TRIM2: variants seen among roughly 807,000 people sequenced by gnomAD.
The protein encoded by TRIM2 is tripartite motif containing 2.
A neutral mutation model predicts 75.2 loss-of-function variants in TRIM2; 20 were observed. The observed-to-expected ratio is 0.27, with a 90% CI of 0.19 to 0.39. The LOEUF is 0.39. TRIM2 is among the 10% of genes least tolerant of loss of function. The pLI is 1.00. For missense variants in TRIM2, 660 were observed against 990.8 expected, an observed-to-expected ratio of 0.67 and a Z score of 4.48; for synonymous variants, 373 against 388.3, an observed-to-expected ratio of 0.96 and a Z score of 0.46.
upstream of TRIM2, among the ~76,000 whole-genome samples, chr4:153,203,597 A>C (rs1171854632): frequency 6.6e-6 from 1 of 151,960 alleles, no homozygotes; most frequent in Non-Finnish European, 1.5e-5. Flanking sequence ...CAAAAAAAAA[A>C]AAAAAAATAG....
Position 153,295,788 on chromosome 4 carries a change from C to T in TRIM2, c.1262C>T (p.Thr421Ile). ...AACGGCACCTATGAGTTTTTGTACACTGTCCAGAAGGAAGGGGACTTTACC... is the reference window on the plus strand; with the variant it reads ...AACGGCACCTATGAGTTTTTGTACATTGTCCAGAAGGAAGGGGACTTTACC... ...NKNGTYEFLY[T>I]VQKEGDFTLS... The change falls in exon 6 of 12, where the codon ACT (threonine) becomes ATT (isoleucine). Residue 421 changes from threonine to isoleucine, a missense_variant. Physicochemically the swap from Thr to Ile is moderately conservative, Grantham distance 89. This residue lies in a region of TRIM2 where 620 missense variants were observed against 891.0 expected (regional missense o/e 0.70). Coordinates refer to ENST00000338700, the MANE Select transcript of TRIM2 (RefSeq NM_015271.5). This position sits in a 1 kb window ranked among gnomAD's most constrained non-coding sequence, Gnocchi z 7.2. 1 of 1,614,108 alleles carries T rather than the reference C, an allele frequency of 6.2e-7. No individual in the cohort carries two copies. The highest frequency in any genetic ancestry group is 1.1e-5 in the South Asian group (1 of 91,072).
chr4:153,234,637 G>A (rs1185524225), intron 1 of TRIM2, among the ~76,000 whole-genome samples: 1 of 152,218 alleles, frequency 6.6e-6, no homozygotes, highest in African/African-American at 2.4e-5. Context: ...TCTGTAAAAT[G>A]AGGCTCATAA....
At chr4:153,313,520 C>A (rs781558838) in intron 6 of TRIM2, among the ~76,000 whole-genome samples, 4 of 151,996 alleles carry the variant, frequency 2.6e-5, no homozygotes, top group Admixed American at 6.6e-5. Flanking sequence ...AAGTCTATTC[C>A]CAAACAGTGC....
At chr4:153,315,398 C>G (rs963010923) in intron 6 of TRIM2, 87 bp from the exon 7 acceptor site, 26 of 1,069,992 alleles carry the variant, frequency 2.4e-5, no homozygotes, top group Non-Finnish European at 3.5e-5. Context: ...TCTCAGGTAC[C>G]TGTGGAAATC....
chr4:153,241,378 C>T lies in TRIM2; in HGVS notation c.31-28957C>T, dbSNP rs552994689. On this transcript the variant is annotated intron_variant, in intron 1 of 11. Coordinates refer to ENST00000338700, the MANE Select transcript of TRIM2 (RefSeq NM_015271.5). ...ATGTGCCAAGACTGCATTTGTGCTG[C>T]ACCATCGTTGGGGGATGGTCCTGCC... Among the ~76,000 whole-genome samples, 10 of 152,334 alleles carry T rather than the reference C, an allele frequency of 6.6e-5. No individual in the cohort carries two copies. In the South Asian group the frequency reaches 2.1e-3, roughly 32 times the overall value.
At chr4:153,249,408 A>T (rs1013769389) in intron 1 of TRIM2, among the ~76,000 whole-genome samples, 3 of 152,216 alleles carry the variant, frequency 2.0e-5, no homozygotes, top group Middle Eastern at 3.2e-3. Flanking sequence ...AGATTTCCCC[A>T]GGTCGGTGGT....
At chr4:153,231,658 T>C (rs1459653735) in intron 1 of TRIM2, among the ~76,000 whole-genome samples, 2 of 152,184 alleles carry the variant, frequency 1.3e-5, no homozygotes, top group African/African-American at 4.8e-5. Flanking sequence ...TTAGGTGCTC[T>C]AAAGGGTGGC....
chr4:153,194,300 A>T (rs187650276), intron 1 of TRIM2, among the ~76,000 whole-genome samples: 2 of 152,212 alleles, frequency 1.3e-5, no homozygotes, highest in Admixed American at 1.3e-4. Context: ...GGATAAACCA[A>T]TTGTGGTATG....
chr4:153,327,962 C>T (rs969117096), intron 10 of TRIM2, among the ~76,000 whole-genome samples: 3 of 152,336 alleles, frequency 2.0e-5, no homozygotes, highest in South Asian at 4.2e-4. Context: ...TCTTATTTCT[C>T]ACCTGCTGCT....
At chr4:153,245,229 TTTAC>T (rs781451712) in intron 1 of TRIM2, among the ~76,000 whole-genome samples, 23 of 152,272 alleles carry the variant, frequency 1.5e-4, no homozygotes, top group Non-Finnish European at 3.4e-4. Flanking sequence ...GTAAGTTCTG[TTTAC>T]TTACTTATCT....
At chr4:153,328,213 G>A (rs1770669674) in intron 10 of TRIM2, among the ~76,000 whole-genome samples, 1 of 152,098 alleles carries the variant, frequency 6.6e-6, no homozygotes, top group African/African-American at 2.4e-5. Flanking sequence ...TAATATTATT[G>A]AAAATTATAG....
chr4:153,255,144 C>T (rs1439883738), intron 1 of TRIM2, among the ~76,000 whole-genome samples: 1 of 152,222 alleles, frequency 6.6e-6, no homozygotes, highest in Non-Finnish European at 1.5e-5. Flanking sequence ...CCATCTCCCA[C>T]ACTAGATTGT....
rs1490617177 is a variant in TRIM2, at chr4:153,248,985, A to T, written c.31-21350A>T. Among the ~76,000 whole-genome samples, 1 of 152,060 alleles carries T rather than the reference A, an allele frequency of 6.6e-6. No individual in the cohort carries two copies. Among genetic ancestry groups the T allele is most frequent in the African/African-American group, 2.4e-5 (1 of 41,390 alleles). On this transcript the variant is annotated intron_variant, in intron 1 of 11. Coordinates refer to ENST00000338700, the MANE Select transcript of TRIM2 (RefSeq NM_015271.5). The surrounding 1 kb of genome is among the most constrained non-coding windows in gnomAD (Gnocchi z 4.0). ...AGGGTTAGCAGGCAAAGAGCTGTGGACCCCGGACACGGGAAAAGGCCACAG... is the reference window on the plus strand; with the variant it reads ...AGGGTTAGCAGGCAAAGAGCTGTGGTCCCCGGACACGGGAAAAGGCCACAG...
chr4:153,205,450 G>A (rs1024048292), intron 1 of TRIM2, among the ~76,000 whole-genome samples: 1 of 152,184 alleles, frequency 6.6e-6, no homozygotes, highest in African/African-American at 2.4e-5. Flanking sequence ...CGACCTGTAA[G>A]GTGGGGAGGG....
chr4:153,271,568 T>C (rs1304929321), intron 2 of TRIM2, among the ~76,000 whole-genome samples: 1 of 152,158 alleles, frequency 6.6e-6, no homozygotes, highest in African/African-American at 2.4e-5. Context: ...TGGGTTGTTG[T>C]GGGGTTTTGT....
At chr4:153,212,264 T>C (rs1737240208) in intron 1 of TRIM2, among the ~76,000 whole-genome samples, 1 of 152,294 alleles carries the variant, frequency 6.6e-6, no homozygotes, top group South Asian at 2.1e-4. Context: ...GAGGCCATTA[T>C]CCTAAGTGAA....
intron 1 of TRIM2, among the ~76,000 whole-genome samples, chr4:153,246,389 C>A (rs1273917868): frequency 6.6e-6 from 1 of 152,170 alleles, no homozygotes; most frequent in Non-Finnish European, 1.5e-5. Flanking sequence ...GGATTCTTAT[C>A]CACCACAGAA....
intron 1 of TRIM2, among the ~76,000 whole-genome samples, chr4:153,209,330 G>T (rs1391824270): frequency 2.6e-5 from 4 of 152,068 alleles, no homozygotes; most frequent in African/African-American, 7.2e-5. Flanking sequence ...ATGTTCAAGG[G>T]ACCCACCCCC....
intron 6 of TRIM2, among the ~76,000 whole-genome samples, chr4:153,300,575 C>G (rs1763678727): frequency 6.6e-6 from 1 of 151,996 alleles, no homozygotes; most frequent in African/African-American, 2.4e-5. Context: ...CAGATTCTTA[C>G]TCTGTCGCCA....
Sources: allele counts gnomAD v4.1 joint callset (sites outside exome capture counted in the v4.1 genomes callset), GRCh38; gene constraint gnomAD v4.1.1; regional missense constraint gnomAD v4.1.1; non-coding constraint Gnocchi (gnomAD v3.1); transcripts MANE v1.5; gene names NCBI Gene and HGNC (gene_info 2026-07-23, HGNC 2026-07-21).